The following RELN variants were observed in gnomAD, a reference collection of about 807,000 sequenced individuals.
RELN encodes reelin.
RELN carries 108 observed loss-of-function variants against 427.6 expected under a neutral mutation model. That is an observed-to-expected ratio of 0.25 (90% CI 0.22 to 0.30). RELN has a LOEUF of 0.30. RELN is among the 10% of genes least tolerant of loss of function. The probability of loss-of-function intolerance (pLI) is 1.00; values close to 1 mark genes in which losing one functional copy is unlikely to be tolerated. For synonymous variants in RELN, 1,524 were observed against 1,513.4 expected (o/e 1.01, Z -0.16); for missense variants, 3,715 against 4,302.8 (o/e 0.86, Z 3.82).
At chr7:103,984,285 G>A (rs1274915713) in intron 1 of RELN, among the ~76,000 whole-genome samples, 1 of 152,024 alleles carries the variant, frequency 6.6e-6, no homozygotes, top group Non-Finnish European at 1.5e-5. Flanking sequence ...AAGATGGAAA[G>A]TCAAATTTAC....
At chr7:103,495,406 G>GT (rs1481388357) in intron 57 of RELN, among the ~76,000 whole-genome samples, 5 of 151,942 alleles carry the variant, frequency 3.3e-5, no homozygotes, top group African/African-American at 1.2e-4. Context: ...TTGGCCTCAA[G>GT]TGATCCTCCT....
At position 103,661,520 on chromosome 7, in the gene RELN, C is replaced by T. The variant is rs755687267; in HGVS notation, c.1297G>A (p.Val433Ile). 6 of 1,613,224 alleles carry T rather than the reference C, an allele frequency of 3.7e-6. No individual in the cohort carries two copies. Among genetic ancestry groups the T allele is most frequent in the East Asian group, 2.2e-5 (1 of 44,758 alleles). Reference sequence around the variant, plus strand: ...TCTGTACCAATGACAGCTCCCAAGACATCCCATCTAAAAAAAAAGGGGGAT... The same window carrying T: ...TCTGTACCAATGACAGCTCCCAAGATATCCCATCTAAAAAAAAAGGGGGAT... ...EFESQPTGWDVLGAVIGTECG... is the reference protein window; with the variant it reads ...EFESQPTGWDILGAVIGTECG... The change falls in exon 12 of 65, where the codon GTC becomes ATC. Residue 433 changes from valine (V) to isoleucine (I), a missense_variant. By Grantham distance (29) the Val-to-Ile change is conservative. Around this residue, in one of 4 missense-constraint regions of RELN, gnomAD observed 2,208 missense variants for 2,361.7 expected, o/e 0.93. Transcript: ENST00000428762.
chr7:103,726,883 T>C (rs576386693), intron 7 of RELN, among the ~76,000 whole-genome samples: 2 of 152,302 alleles, frequency 1.3e-5, no homozygotes, highest in African/African-American at 4.8e-5. Context: ...TGCAGGAATA[T>C]TATAGCACTT....
At chr7:103,614,903 C>A (rs911351979) in intron 20 of RELN, among the ~76,000 whole-genome samples, 2 of 152,146 alleles carry the variant, frequency 1.3e-5, no homozygotes, top group Admixed American at 6.5e-5. Flanking sequence ...TCAAGACTGG[C>A]AGTGATACTG....
At chr7:103,566,881 G>C (rs1830765737) in intron 31 of RELN, 122 bp from the exon 32 acceptor site, 17 of 921,556 alleles carry the variant, frequency 1.8e-5, no homozygotes, top group Non-Finnish European at 2.8e-5. Flanking sequence ...GGGCACATTT[G>C]TGTAACTTCC....
chr7:103,540,352 T>C lies in RELN; in HGVS notation c.6775A>G (p.Ser2259Gly), dbSNP rs1272980155. The C allele has an allele frequency of 9.9e-6, 16 of 1,614,042 alleles. No individual in the cohort carries two copies. The highest frequency in any genetic ancestry group is 1.4e-5 in the Non-Finnish European group (16 of 1,180,012). Reference sequence around the variant, plus strand: ...CTGAAAAGGAACTCCTGAAGAAGACTCCACGAGAGGCCACCGTTGAGAGAA... The same window carrying C: ...CTGAAAAGGAACTCCTGAAGAAGACCCCACGAGAGGCCACCGTTGAGAGAA... Reference protein sequence around the residue: ...QYSLNGGLSWSLLQEFLFSNS... With the variant: ...QYSLNGGLSWGLLQEFLFSNS... Residue 2259 changes from serine (S) to glycine (G), a missense_variant, in exon 44 of 65, where the codon AGT (serine) becomes GGT (glycine). Ser to Gly is a moderately conservative substitution (Grantham distance 56, BLOSUM62 0). Coordinates refer to ENST00000428762, the MANE Select transcript of RELN (RefSeq NM_005045.4).
intron 50 of RELN, chr7:103,512,704 G>A (rs764185490): frequency 6.6e-6 from 1 of 152,164 alleles, no homozygotes; most frequent in African/African-American, 2.4e-5. Context: ...TCCCAGAAAA[G>A]TTAGAAATTA....
chr7:103,480,922 T>C (rs368495361), intron 63 of RELN, among the ~76,000 whole-genome samples: 5 of 152,200 alleles, frequency 3.3e-5, no homozygotes, highest in East Asian at 1.9e-4. Flanking sequence ...GCCTGGTATA[T>C]GACAAATTCT....
intron 4 of RELN, among the ~76,000 whole-genome samples, chr7:103,774,589 T>C (rs554163059): frequency 6.6e-6 from 1 of 152,340 alleles, no homozygotes; most frequent in Non-Finnish European, 1.5e-5. Flanking sequence ...CTAATAAATA[T>C]ATTAGATATT....
At chr7:103,854,469 G>A (rs759261509) in intron 2 of RELN, among the ~76,000 whole-genome samples, 2 of 151,934 alleles carry the variant, frequency 1.3e-5, no homozygotes, top group Non-Finnish European at 2.9e-5. Flanking sequence ...TTTTATTGAG[G>A]TATAACATAC....
intron 4 of RELN, among the ~76,000 whole-genome samples, chr7:103,756,865 T>C (rs1439872267): frequency 2.6e-5 from 4 of 152,148 alleles, no homozygotes; most frequent in African/African-American, 9.7e-5. Context: ...AAAGTACAAA[T>C]TTTCCTGAAA....
intron 31 of RELN, among the ~76,000 whole-genome samples, chr7:103,568,987 G>A (rs147784176): frequency 2.0e-5 from 3 of 152,268 alleles, no homozygotes; most frequent in South Asian, 2.1e-4. Context: ...ACACTCTTCC[G>A]TTCAAAAAGT....
intron 2 of RELN, among the ~76,000 whole-genome samples, chr7:103,891,084 A>G (rs1794839458): frequency 6.6e-6 from 1 of 152,170 alleles, no homozygotes; most frequent in South Asian, 2.1e-4. Context: ...TCTGTCTCAA[A>G]AAAACAAAAC....
intron 10 of RELN, among the ~76,000 whole-genome samples, chr7:103,685,274 C>T (rs575410416): frequency 7.8e-4 from 119 of 152,188 alleles, no homozygotes; most frequent in African/African-American, 2.4e-3. Flanking sequence ...AACACCTATT[C>T]GAACTCCTAT....
At chr7:103,952,554 T>TTCTCTCTC (rs145303514) in intron 1 of RELN, among the ~76,000 whole-genome samples, 37 of 149,966 alleles carry the variant, frequency 2.5e-4, no homozygotes, top group East Asian at 7.8e-4. Context: ...CTCTCACTCT[T>TTCTCTCTC]TCTCTCTCTC....
rs888810613 is a variant in RELN, at chr7:103,573,399, CAG to C, written c.4511+691_4511+692del. Among the ~76,000 whole-genome samples the C allele has an allele frequency of 2.8e-4, 42 of 152,224 alleles. No homozygotes were observed. Among genetic ancestry groups the C allele is most frequent in the East Asian group, 2.5e-3 (13 of 5,176 alleles). On this transcript the variant is annotated intron_variant, in intron 30 of 64. Transcript: ENST00000428762. This position sits in a 1 kb window ranked among gnomAD's most constrained non-coding sequence, Gnocchi z 4.4. ...TTATGCCTCAGTCCATAGCGACTGA[CAG>C]AGAGTACCTGCTTGACAGGCACACC...
At chr7:103,763,780 A>T (rs976684291) in intron 4 of RELN, among the ~76,000 whole-genome samples, 1 of 152,056 alleles carries the variant, frequency 6.6e-6, no homozygotes, top group African/African-American at 2.4e-5. Flanking sequence ...GGAGAGAGAG[A>T]GAGGTGGGAC....
chr7:103,934,119 C>G lies in RELN; in HGVS notation c.227-16934G>C, dbSNP rs547926254. 1.1e-3 allele frequency among the ~76,000 whole-genome samples: 127 copies of G among 115,206 alleles called. No homozygotes were observed. The Middle Eastern group carries it at 0.013, about 12-fold the overall frequency. 75.6% of individuals were successfully genotyped at this position (115,206 alleles called of 152,430 possible). ...ATCTTTTTAGGACAGTTGGTGACCA[C>G]AAAGTGACCCATGTTGCATGACACT... On this transcript the variant is annotated intron_variant, in intron 1 of 64. Coordinates refer to ENST00000428762, the MANE Select transcript of RELN (RefSeq NM_005045.4).
At chr7:103,629,835 T>C in intron 20 of RELN, 105 bp downstream of exon 20, 2 of 830,654 alleles carry the variant, frequency 2.4e-6, no homozygotes, top group Admixed American at 3.4e-5. Flanking sequence ...TCCTATTTAG[T>C]AAATACTTGT....
Sources: gnomAD v4.1 joint callset for allele counts (sites outside exome capture counted in the v4.1 genomes callset) on GRCh38, gnomAD v4.1.1 for gene constraint, gnomAD v4.1.1 regional missense constraint, Gnocchi (gnomAD v3.1) non-coding constraint, MANE v1.5 for transcripts, NCBI Gene and HGNC (gene_info 2026-07-23, HGNC 2026-07-21) for gene names.